PCDHGB2: variants seen among roughly 807,000 people sequenced by gnomAD.
PCDHGB2 encodes protocadherin gamma-B2.
Under a neutral mutation model 59.3 loss-of-function variants are expected in PCDHGB2, and 55 were observed. That is an observed-to-expected ratio of 0.93 (90% confidence interval 0.75 to 1.16). The LOEUF (loss-of-function observed/expected upper bound fraction) is 1.16, where lower values mean the gene tolerates loss of function less well. PCDHGB2 is among the 50% of genes most tolerant of loss of function. The pLI is 0.00. For synonymous variants in PCDHGB2, 516 were observed against 512.0 expected (o/e 1.01, Z -0.11); for missense variants, 1,228 against 1,198.5 (o/e 1.02, Z -0.36).
At chr5:141,507,865 T>C (rs2099864402) in intron 3 of PCDHGB2, among the ~76,000 whole-genome samples, 1 of 152,128 alleles carries the variant, frequency 6.6e-6, no homozygotes. Context: ...CACACCCGCT[T>C]CCTAGCCCTG....
chr5:141,446,266 A>C (rs1268290014), intron 1 of PCDHGB2, among the ~76,000 whole-genome samples: 1 of 152,174 alleles, frequency 6.6e-6, no homozygotes, highest in African/African-American at 2.4e-5. Context: ...TTATTAACTG[A>C]ATAAATACAA....
At chr5:141,407,621 T>C (rs993791058) in intron 1 of PCDHGB2, among the ~76,000 whole-genome samples, 1 of 152,202 alleles carries the variant, frequency 6.6e-6, no homozygotes, top group African/African-American at 2.4e-5. Flanking sequence ...GTTGACATTC[T>C]ATATCTCGTA....
chr5:141,510,840 A>C (rs2099882997), intron 3 of PCDHGB2, 107 bp from the exon 4 acceptor site: 1 of 1,588,450 alleles, frequency 6.3e-7, no homozygotes, highest in Non-Finnish European at 8.6e-7. Context: ...CAGCGTGGTC[A>C]AGGCCCAGGG....
At chr5:141,416,982 T>C (rs191309825) in intron 1 of PCDHGB2, 25 of 152,264 alleles carry the variant, frequency 1.6e-4, no homozygotes, top group African/African-American at 5.5e-4. Context: ...GAGTCAAAAT[T>C]ATTGTGCATT....
chr5:141,413,212 G>C, intron 1 of PCDHGB2: 2 of 1,613,268 alleles, frequency 1.2e-6, no homozygotes, highest in Middle Eastern at 1.7e-4. Flanking sequence ...GGAATCAAAG[G>C]ATTGCAGCGG....
Position 141,431,615 on chromosome 5 carries a change from G to A in PCDHGB2, c.2422-63192G>A. 1.2e-6 allele frequency: 2 copies of A among 1,614,236 alleles called. No homozygotes were observed. Among genetic ancestry groups the A allele is most frequent in the Non-Finnish European group, 1.7e-6 (2 of 1,180,042 alleles). ...GAGGTATTCCTTCCGGTATGTGGACGACAAGGCGGCCCAAGTTTTCAAACT... is the reference window on the plus strand; with the variant it reads ...GAGGTATTCCTTCCGGTATGTGGACAACAAGGCGGCCCAAGTTTTCAAACT... On this transcript the variant is annotated intron_variant, in intron 1 of 3. Coordinates refer to ENST00000522605, the MANE Select transcript of PCDHGB2 (RefSeq NM_018923.3). The surrounding 1 kb of genome is among the most constrained non-coding windows in gnomAD (Gnocchi z 4.8).
intron 1 of PCDHGB2, chr5:141,413,526 G>A: frequency 6.2e-7 from 1 of 1,613,936 alleles, no homozygotes; most frequent in Non-Finnish European, 8.5e-7. Context: ...TGGAAGACAG[G>A]GTGAAACTTT....
intron 3 of PCDHGB2, among the ~76,000 whole-genome samples, chr5:141,506,444 CAAAAAAAAAA>C (rs1219684339): frequency 8.4e-5 from 8 of 95,030 alleles, no homozygotes; most frequent in Non-Finnish European, 1.3e-4. Context: ...CGCTCTGTCT[CAAAAAAAAAA>C]AAAAAAAAAA....
chr5:141,427,161 G>A (rs1561826750), intron 1 of PCDHGB2: 1 of 456,698 alleles, frequency 2.2e-6, no homozygotes, highest in Non-Finnish European at 4.4e-6. Flanking sequence ...GTTTGTGCTA[G>A]ACCATCAAAA....
chr5:141,405,005 G>C (rs1358521218), intron 1 of PCDHGB2: 7 of 1,613,830 alleles, frequency 4.3e-6, no homozygotes, highest in African/African-American at 2.7e-5. Context: ...TGCAGACCTG[G>C]AGGCCTCAGA....
intron 1 of PCDHGB2, among the ~76,000 whole-genome samples, chr5:141,448,952 C>A (rs1278778374): frequency 2.6e-5 from 4 of 151,698 alleles, no homozygotes; most frequent in Non-Finnish European, 5.9e-5. Flanking sequence ...CTCAAAAAAA[C>A]AAACAAACAA....
intron 1 of PCDHGB2, among the ~76,000 whole-genome samples, chr5:141,450,397 C>T (rs529143168): frequency 6.6e-6 from 1 of 152,300 alleles, no homozygotes; most frequent in South Asian, 2.1e-4. Flanking sequence ...TTTGTAAAGA[C>T]TAGAAGCCAT....
In PCDHGB2 at chr5:141,486,435, A is replaced by G. The variant is rs2099629501; in HGVS notation, c.2422-8372A>G. The G allele has an allele frequency of 6.2e-7, 1 of 1,614,118 alleles. No homozygotes were observed. Among genetic ancestry groups the G allele is most frequent in the Non-Finnish European group, 8.5e-7 (1 of 1,179,960 alleles). ...TTGGATCGAGAGGCCAAATCTAGCT[A>G]TGACATCATGGTCACTGCTTCTGAT... is the stretch of plus-strand genomic sequence containing the variant. On this transcript the variant is annotated intron_variant, in intron 1 of 3. Coordinates refer to ENST00000522605, the MANE Select transcript of PCDHGB2 (RefSeq NM_018923.3). This position sits in a 1 kb window ranked among gnomAD's most constrained non-coding sequence, Gnocchi z 5.0.
chr5:141,456,301 C>CA (rs761557752), intron 1 of PCDHGB2, among the ~76,000 whole-genome samples: 14 of 152,154 alleles, frequency 9.2e-5, no homozygotes, highest in Non-Finnish European at 1.6e-4. Flanking sequence ...TAATGGAGAA[C>CA]AGCAGCTAGG....
Position 141,366,053 on chromosome 5 carries a change from G to C in PCDHGB2, c.2421+3497G>C, listed in dbSNP as rs202185929. 161 of 1,614,252 alleles carry C rather than the reference G, an allele frequency of 1.0e-4. 1 individual carries two copies. The African/African-American group carries it at 1.7e-3, about 17-fold the overall frequency. On this transcript the variant is annotated intron_variant, in intron 1 of 3. Transcript: ENST00000522605. ...CCTCCCCACAGACGGTTCCACGGGCGTGGAGCTGGCGCCTCGCTCCGCAGA... is the reference window on the plus strand; with the variant it reads ...CCTCCCCACAGACGGTTCCACGGGCCTGGAGCTGGCGCCTCGCTCCGCAGA...
rs1596259997 is a variant in PCDHGB2, at chr5:141,509,990, A to G, written c.2570-957A>G. Among the ~76,000 whole-genome samples the G allele has an allele frequency of 2.6e-5, 4 of 152,266 alleles. No individual in the cohort carries two copies. The South Asian group carries it at 8.3e-4, about 32-fold the overall frequency. ...GGTCCTTCTAACACTTGGTTCCCTC[A>G]TCTGTAAAATGAGGGTCATACCACA... is the stretch of plus-strand genomic sequence containing the variant. On this transcript the variant is annotated intron_variant, in intron 3 of 3. Transcript: ENST00000522605.
intron 1 of PCDHGB2, chr5:141,399,019 A>G (rs576771907): frequency 2.5e-6 from 4 of 1,613,932 alleles, no homozygotes; most frequent in East Asian, 2.2e-5. Context: ...CGGAGAAATT[A>G]CCACTCAAAA....
At chr5:141,389,733 C>A in intron 1 of PCDHGB2, 1 of 1,612,786 alleles carries the variant, frequency 6.2e-7, no homozygotes, top group Non-Finnish European at 8.5e-7. Flanking sequence ...GCTCTTCAGC[C>A]TGGGGCTGCG....
intron 2 of PCDHGB2, among the ~76,000 whole-genome samples, chr5:141,500,333 A>G (rs1237684682): frequency 6.6e-6 from 1 of 151,336 alleles, no homozygotes; most frequent in Non-Finnish European, 1.5e-5. Context: ...CTCAGCCTCC[A>G]GAATAGCTGG....
Sources: gnomAD v4.1 joint callset for allele counts (sites outside exome capture counted in the v4.1 genomes callset) on GRCh38, gnomAD v4.1.1 for gene constraint, Gnocchi (gnomAD v3.1) non-coding constraint, MANE v1.5 for transcripts, NCBI Gene and HGNC (gene_info 2026-07-23, HGNC 2026-07-21) for gene names.